Variants in BCAS3 observed in about 807,000 individuals in gnomAD.
BCAS3 encodes BCAS4/BCAS3 fusion.
A neutral mutation model predicts 116.1 loss-of-function variants in BCAS3; 53 were observed. The observed-to-expected ratio is 0.46, with a 90% CI of 0.37 to 0.57. The LOEUF is 0.57. Ranked by LOEUF, BCAS3 falls within the 20% of genes least tolerant of loss-of-function variation. The probability of loss-of-function intolerance (pLI) is 0.00; values close to 1 mark genes in which losing one functional copy is unlikely to be tolerated. For synonymous variants in BCAS3, 391 were observed against 408.2 expected (o/e 0.96, Z 0.51); for missense variants, 917 against 1,165.4 (o/e 0.79, Z 3.10).
rs867768390 is a variant in BCAS3, at chr17:61,118,290, A to G, written c.2425+33726A>G. Among the ~76,000 whole-genome samples, 4 of 152,220 alleles carry G rather than the reference A, an allele frequency of 2.6e-5. No individual in the cohort carries two copies. Among genetic ancestry groups the G allele is most frequent in the East Asian group, 1.9e-4 (1 of 5,176 alleles). ...GGAGAGATGGAAGTCCCGGCTCCCA[A>G]CGTAGTCTCCAATGACAGTGCATTA... is the stretch of plus-strand genomic sequence containing the variant. On this transcript the variant is annotated intron_variant, in intron 22 of 23. Transcript: ENST00000407086. The surrounding 1 kb of genome is among the most constrained non-coding windows in gnomAD (Gnocchi z 5.0).
At position 61,163,657 on chromosome 17, in the gene BCAS3, T is replaced by G. The variant is rs191198560; in HGVS notation, c.2425+79093T>G. Among the ~76,000 whole-genome samples the G allele has an allele frequency of 2.6e-5, 4 of 152,090 alleles. No homozygotes were observed. The East Asian group carries it at 7.8e-4, about 30-fold the overall frequency. On this transcript the variant is annotated intron_variant, in intron 22 of 23. Transcript: ENST00000407086. ...GAATGTAGATTAAGAAGTAGTAATA[T>G]TCCATCTACCCAAAAGTCAAACAAA...
chr17:61,211,121 T>C lies in BCAS3; in HGVS notation c.2425+126557T>C, dbSNP rs947902819. Among the ~76,000 whole-genome samples, 2 of 152,028 alleles carry C rather than the reference T, an allele frequency of 1.3e-5. No individual in the cohort carries two copies. Among genetic ancestry groups the C allele is most frequent in the African/African-American group, 4.8e-5 (2 of 41,390 alleles). On this transcript the variant is annotated intron_variant, in intron 22 of 23. Transcript: ENST00000407086. The surrounding 1 kb of genome is among the most constrained non-coding windows in gnomAD (Gnocchi z 4.4). ...GAGAAAAGGCAGTTGCAGATAGTAATGTTTGGAGGCATGCTCAGTTATTCA... is the reference window on the plus strand; with the variant it reads ...GAGAAAAGGCAGTTGCAGATAGTAACGTTTGGAGGCATGCTCAGTTATTCA...
chr17:60,842,405 T>C (rs1411818411), intron 7 of BCAS3, among the ~76,000 whole-genome samples: 2 of 152,164 alleles, frequency 1.3e-5, no homozygotes, highest in African/African-American at 4.8e-5. Context: ...TATCAAAAAA[T>C]AGTGGCATGA....
At position 61,180,752 on chromosome 17, in the gene BCAS3, G is replaced by A. The variant is rs1399335368; in HGVS notation, c.2425+96188G>A. Among the ~76,000 whole-genome samples the A allele has an allele frequency of 2.0e-5, 3 of 152,228 alleles. No homozygotes were observed. Among genetic ancestry groups the A allele is most frequent in the Non-Finnish European group, 4.4e-5 (3 of 68,040 alleles). On this transcript the variant is annotated intron_variant, in intron 22 of 23. Coordinates refer to ENST00000407086, the MANE Select transcript of BCAS3 (RefSeq NM_017679.5). This position sits in a 1 kb window ranked among gnomAD's most constrained non-coding sequence, Gnocchi z 6.0. ...CACTATCTGCAGTAGGCTTTGTGCT[G>A]TAGGCACAGAATAAAGTTATCCTAG... is the stretch of plus-strand genomic sequence containing the variant.
rs753863547 is a variant in BCAS3, at chr17:61,381,158, G to A, written c.2594-10819G>A. 1.3e-5 allele frequency among the ~76,000 whole-genome samples: 2 copies of A among 152,122 alleles called. No homozygotes were observed. Among genetic ancestry groups the A allele is most frequent in the Non-Finnish European group, 2.9e-5 (2 of 68,032 alleles). On this transcript the variant is annotated intron_variant, in intron 23 of 23. Coordinates refer to ENST00000407086, the MANE Select transcript of BCAS3 (RefSeq NM_017679.5). This position sits in a 1 kb window ranked among gnomAD's most constrained non-coding sequence, Gnocchi z 6.0. ...ATTTGGTTAACCCCTTCCTACCCAC[G>A]GGAGGACTGACAGAACAAATGCACT... is the stretch of plus-strand genomic sequence containing the variant.
At chr17:60,727,543 G>T (rs755248377) in intron 5 of BCAS3, 15 of 1,201,788 alleles carry the variant, frequency 1.2e-5, no homozygotes, top group African/African-American at 3.1e-5. Flanking sequence ...TGAGACTCTC[G>T]CCTCGCAAAG....
intron 15 of BCAS3, among the ~76,000 whole-genome samples, chr17:60,998,392 A>G (rs947487792): frequency 1.3e-5 from 2 of 152,122 alleles, no homozygotes; most frequent in Non-Finnish European, 2.9e-5. Context: ...TCAGATGGTA[A>G]TTCTATTTTT....
chr17:61,002,744 T>C (rs564590324), intron 15 of BCAS3: 1 of 152,246 alleles, frequency 6.6e-6, no homozygotes, highest in South Asian at 2.1e-4. Context: ...GGGGTCATTA[T>C]GCTAAATGTT....
intron 6 of BCAS3, among the ~76,000 whole-genome samples, chr17:60,787,925 T>TC (rs1181160831): frequency 1.3e-5 from 2 of 151,912 alleles, no homozygotes; most frequent in African/African-American, 4.8e-5. Flanking sequence ...ACCTTTTTTT[T>TC]TTTTTAACTA....
intron 14 of BCAS3, among the ~76,000 whole-genome samples, chr17:60,981,441 C>A (rs2062809976): frequency 6.6e-6 from 1 of 152,054 alleles, no homozygotes; most frequent in Non-Finnish European, 1.5e-5. Context: ...TGCCACCACA[C>A]CCAGCTAATT....
At chr17:61,110,913 C>A (rs571552849) in intron 22 of BCAS3, among the ~76,000 whole-genome samples, 5 of 152,206 alleles carry the variant, frequency 3.3e-5, no homozygotes, top group Admixed American at 6.5e-5. Context: ...GGCAGACTGC[C>A]TCCTCAAGTG....
rs568503019 is a variant in BCAS3 at position 60,829,710 on chromosome 17, C to T, written c.476+21634C>T. Among the ~76,000 whole-genome samples, 380 of 152,062 alleles carry T rather than the reference C, an allele frequency of 2.5e-3. 1 individual carries two copies. The highest frequency in any genetic ancestry group is 4.3e-3 in the Non-Finnish European group (289 of 67,968). On this transcript the variant is annotated intron_variant, in intron 7 of 23. Coordinates refer to ENST00000407086, the MANE Select transcript of BCAS3 (RefSeq NM_017679.5). ...AGTTGTTCTCACTATCTTCTTCTAT[C>T]TTATTATCTTCTTATATCTTGTTAG... is the stretch of plus-strand genomic sequence containing the variant.
chr17:60,830,643 G>T (rs2050832578), intron 7 of BCAS3, among the ~76,000 whole-genome samples: 1 of 152,026 alleles, frequency 6.6e-6, no homozygotes, highest in South Asian at 2.1e-4. Flanking sequence ...TATTTGAAGA[G>T]AATTTGGAAA....
Position 61,356,246 on chromosome 17 carries a change from G to A in BCAS3, c.2426-12081G>A, listed in dbSNP as rs771169982. Among the ~76,000 whole-genome samples the A allele has an allele frequency of 2.6e-5, 4 of 152,122 alleles. No individual in the cohort carries two copies. The highest frequency in any genetic ancestry group is 6.5e-5 in the Admixed American group (1 of 15,268). On this transcript the variant is annotated intron_variant, in intron 22 of 23. Coordinates refer to ENST00000407086, the MANE Select transcript of BCAS3 (RefSeq NM_017679.5). This position sits in a 1 kb window ranked among gnomAD's most constrained non-coding sequence, Gnocchi z 5.4. Reference sequence around the variant, plus strand: ...TGACCTCAGGTGATCCACACGCCTCGGCCTCCCAAAGTGCTGGGATTACAG... The same window carrying A: ...TGACCTCAGGTGATCCACACGCCTCAGCCTCCCAAAGTGCTGGGATTACAG...
chr17:61,389,866 G>A (rs1271489750), intron 23 of BCAS3: 1 of 152,384 alleles, frequency 6.6e-6, no homozygotes, highest in East Asian at 1.9e-4. Flanking sequence ...GGACGGTGGG[G>A]GTGCCATGCC....
At chr17:60,924,219 C>T (rs537366024) in intron 12 of BCAS3, among the ~76,000 whole-genome samples, 188 bp from the exon 13 acceptor site, 6 of 152,122 alleles carry the variant, frequency 3.9e-5, no homozygotes, top group Admixed American at 2.6e-4. Context: ...GACTGATGTG[C>T]GTGGGGGCAT....
chr17:60,820,243 A>G (rs1035612462), intron 7 of BCAS3, among the ~76,000 whole-genome samples: 10 of 151,628 alleles, frequency 6.6e-5, no homozygotes, highest in Non-Finnish European at 1.2e-4. Flanking sequence ...AATTTTTTGT[A>G]TTTTTAGTAG....
intron 12 of BCAS3, among the ~76,000 whole-genome samples, 162 bp downstream of exon 12, chr17:60,910,864 G>A (rs2058456732): frequency 6.6e-6 from 1 of 152,134 alleles, no homozygotes; most frequent in South Asian, 2.1e-4. Context: ...TTAGTAACAT[G>A]TTAGAACCTG....
rs758538909 is a variant in BCAS3 at position 61,156,965 on chromosome 17, C to T, written c.2425+72401C>T. ...ATTTAAACAGTTGAGGCATCACTCT[C>T]CTATAAATTTAGTATTAAATTTCAA... On this transcript the variant is annotated intron_variant, in intron 22 of 23. Transcript: ENST00000407086. This position sits in a 1 kb window ranked among gnomAD's most constrained non-coding sequence, Gnocchi z 4.7. Among the ~76,000 whole-genome samples, 1 of 152,178 alleles carries T rather than the reference C, an allele frequency of 6.6e-6. No homozygotes were observed. Among genetic ancestry groups the T allele is most frequent in the Non-Finnish European group, 1.5e-5 (1 of 68,026 alleles).
Sources: gnomAD v4.1 joint callset for allele counts (sites outside exome capture counted in the v4.1 genomes callset) on GRCh38, gnomAD v4.1.1 for gene constraint, Gnocchi (gnomAD v3.1) non-coding constraint, MANE v1.5 for transcripts, NCBI Gene and HGNC (gene_info 2026-07-23, HGNC 2026-07-21) for gene names.